Variants in USP24 observed in about 807,000 individuals in gnomAD.
The protein encoded by USP24 is ubiquitin carboxyl-terminal hydrolase 24.
Under a neutral mutation model 361.6 loss-of-function variants are expected in USP24, and 97 were observed. The ratio of observed to expected loss-of-function variants is 0.27; its 90% CI spans 0.23 to 0.32. The LOEUF is 0.32. USP24 is among the 10% of genes least tolerant of loss of function. USP24 has a pLI of 1.00. For missense variants in USP24, 2,353 were observed against 3,165.6 expected (o/e 0.74, Z 6.16); for synonymous variants, 1,098 against 1,124.6 (o/e 0.98, Z 0.47).
intron 5 of USP24, among the ~76,000 whole-genome samples, chr1:55,170,510 C>G (rs984228483): frequency 2.6e-5 from 4 of 152,136 alleles, no homozygotes; most frequent in African/African-American, 9.7e-5. Flanking sequence ...GACTAGCTGC[C>G]TGCATGGGTT....
Position 55,172,362 on chromosome 1 carries a change from T to C in USP24, c.702+15A>G, listed in dbSNP as rs772699076. 1 of 1,578,836 alleles carries C rather than the reference T, an allele frequency of 6.3e-7. No individual in the cohort carries two copies. Among genetic ancestry groups the C allele is most frequent in the Non-Finnish European group, 8.6e-7 (1 of 1,165,952 alleles). On this transcript the variant is annotated intron_variant, in intron 4 of 67. Transcript: ENST00000294383. ...AAATCAAAACACAAAGTACTTAATT[T>C]TAGAGATACTATACCATTGTAAGCA...
At chr1:55,114,105 G>A (rs1413034971) in intron 38 of USP24, among the ~76,000 whole-genome samples, 1 of 151,244 alleles carries the variant, frequency 6.6e-6, no homozygotes, top group African/African-American at 2.4e-5. Flanking sequence ...TCCTATACAC[G>A]AATAATAGAC....
At chr1:55,071,057 C>T in intron 67 of USP24, 1 of 883,660 alleles carries the variant, frequency 1.1e-6, no homozygotes, top group African/African-American at 1.8e-5. Flanking sequence ...CTGCAGTTAC[C>T]TTTCTGTAAA....
intron 16 of USP24, among the ~76,000 whole-genome samples, chr1:55,150,908 G>A (rs1444149121): frequency 6.6e-6 from 1 of 152,208 alleles, no homozygotes; most frequent in Non-Finnish European, 1.5e-5. Flanking sequence ...CTGATGGGAT[G>A]TCTAAATTGG....
intron 32 of USP24, among the ~76,000 whole-genome samples, chr1:55,128,818 G>A (rs1164785388): frequency 6.7e-6 from 1 of 149,442 alleles, no homozygotes; most frequent in African/African-American, 2.5e-5. Flanking sequence ...GGGCTCAAGT[G>A]ATCCTCCCAC....
chr1:55,209,691 A>T (rs1644803937), intron 1 of USP24, among the ~76,000 whole-genome samples: 1 of 152,216 alleles, frequency 6.6e-6, no homozygotes, highest in South Asian at 2.1e-4. Flanking sequence ...TAGAGCGCTT[A>T]GTGAGTGGAG....
chr1:55,106,114 C>A, intron 41 of USP24, 32 bp downstream of exon 41: 2 of 1,559,842 alleles, frequency 1.3e-6, no homozygotes, highest in African/African-American at 2.7e-5. Flanking sequence ...AGAATTTTTA[C>A]CAAAACTGAA....
intron 1 of USP24, among the ~76,000 whole-genome samples, chr1:55,208,983 C>A (rs1481765911): frequency 2.6e-5 from 4 of 151,832 alleles, no homozygotes; most frequent in Non-Finnish European, 5.9e-5. Context: ...CACCTACTAT[C>A]AATATGAGCT....
chr1:55,196,283 T>G (rs1251880862), intron 1 of USP24, among the ~76,000 whole-genome samples: 1 of 152,198 alleles, frequency 6.6e-6, no homozygotes, highest in Non-Finnish European at 1.5e-5. Context: ...AGCTCAGTCC[T>G]CAGACTGAGG....
At chr1:55,152,730 CCA>C (rs1425540758) in intron 16 of USP24, among the ~76,000 whole-genome samples, 6 of 152,104 alleles carry the variant, frequency 3.9e-5, no homozygotes, top group Non-Finnish European at 7.4e-5. Flanking sequence ...ATTACCAGCT[CCA>C]GTTTGCAAAT....
rs571407192 is a variant in USP24, at chr1:55,195,858, T to C, written c.325-17726A>G. Among the ~76,000 whole-genome samples the C allele has an allele frequency of 1.3e-3, 201 of 152,312 alleles. 2 individuals are homozygous for C. The highest frequency in any genetic ancestry group is 4.6e-3 in the African/African-American group (190 of 41,562). ...TCAGATTTGCAAGATGAAAAATTTC[T>C]GGAGATGTTTCACAACAATTTGAAT... On this transcript the variant is annotated intron_variant, in intron 1 of 67. Coordinates refer to ENST00000294383, the MANE Select transcript of USP24 (RefSeq NM_015306.3).
At chr1:55,183,489 C>T (rs1289220734) in intron 1 of USP24, among the ~76,000 whole-genome samples, 2 of 151,942 alleles carry the variant, frequency 1.3e-5, no homozygotes, top group Non-Finnish European at 2.9e-5. Context: ...ATCCCCAGGA[C>T]AACCATGAAG....
chr1:55,194,575 C>T (rs746718618), intron 1 of USP24, among the ~76,000 whole-genome samples: 47 of 151,852 alleles, frequency 3.1e-4, no homozygotes, highest in Non-Finnish European at 6.0e-4. Flanking sequence ...GTACTCCAGG[C>T]TGGGCGACAG....
At chr1:55,205,166 C>A (rs1317942622) in intron 1 of USP24, among the ~76,000 whole-genome samples, 1 of 152,010 alleles carries the variant, frequency 6.6e-6, no homozygotes. Flanking sequence ...ATCCCTTTGG[C>A]CAAAAAAGGG....
intron 8 of USP24, 132 bp from the exon 9 acceptor site, chr1:55,159,817 T>TACTA (rs1436623186): frequency 1.3e-6 from 1 of 753,666 alleles, no homozygotes; most frequent in Non-Finnish European, 2.1e-6. Context: ...TCAGAGCAGC[T>TACTA]ACTAACTAGC....
intron 52 of USP24, chr1:55,093,719 A>T: frequency 2.1e-6 from 1 of 486,538 alleles, no homozygotes; most frequent in Non-Finnish European, 3.5e-6. Flanking sequence ...TGTGCCTGCC[A>T]ATCATGAGTG....
chr1:55,190,102 T>G (rs1451888517), intron 1 of USP24, among the ~76,000 whole-genome samples: 1 of 143,304 alleles, frequency 7.0e-6, no homozygotes, highest in Non-Finnish European at 1.5e-5. Flanking sequence ...GAGGCGGAGG[T>G]TGCGGTGAGC....
At chr1:55,173,840 A>C (rs1203343476) in intron 3 of USP24, among the ~76,000 whole-genome samples, 1 of 152,214 alleles carries the variant, frequency 6.6e-6, no homozygotes, top group Non-Finnish European at 1.5e-5. Flanking sequence ...ATTAAATAAT[A>C]AAGCAAAACA....
At chr1:55,155,931 T>C (rs186365482) in intron 12 of USP24, among the ~76,000 whole-genome samples, 8 of 152,318 alleles carry the variant, frequency 5.3e-5, no homozygotes, top group Non-Finnish European at 1.2e-4. Flanking sequence ...TCCTTCTTTT[T>C]GCTTCTCCAA....
Sources: gnomAD v4.1 joint callset for allele counts (sites outside exome capture counted in the v4.1 genomes callset) on GRCh38, gnomAD v4.1.1 for gene constraint, MANE v1.5 for transcripts, NCBI Gene and HGNC (gene_info 2026-07-23, HGNC 2026-07-21) for gene names.